The following GDA variants were observed in gnomAD, a reference collection of about 807,000 sequenced individuals.
The protein encoded by GDA is cytoplasmic PSD-95 interactor.
In GDA, 18 loss-of-function variants were observed where a neutral mutation model predicts 59.6. That is an observed-to-expected ratio of 0.30 (90% CI 0.21 to 0.45). GDA has a LOEUF of 0.45. Among genes scored for constraint, GDA ranks in the 20% least tolerant of loss-of-function variants. GDA has a pLI of 1.00. For missense variants in GDA, 427 were observed against 552.3 expected (o/e 0.77, Z 2.27); for synonymous variants, 201 against 201.1 (o/e 1.00, Z 0.00).
At chr9:72,161,969 G>A (rs1828689357) in intron 1 of GDA, among the ~76,000 whole-genome samples, 1 of 152,222 alleles carries the variant, frequency 6.6e-6, no homozygotes, top group African/African-American at 2.4e-5. Flanking sequence ...AACATCGTTG[G>A]TGACTTCCAC....
chr9:72,198,861 A>ATATATAT (rs1491123372), intron 2 of GDA, among the ~76,000 whole-genome samples: 4 of 147,902 alleles, frequency 2.7e-5, no homozygotes, highest in African/African-American at 5.2e-5. Context: ...ATATATATAT[A>ATATATAT]AAATTTTTTT....
At chr9:72,128,717 C>G (rs1035259429) in intron 1 of GDA, among the ~76,000 whole-genome samples, 8 of 152,220 alleles carry the variant, frequency 5.3e-5, no homozygotes, top group Non-Finnish European at 1.2e-4. Context: ...GTGAGACAGG[C>G]TGGCAGCCAG....
chr9:72,248,997 C>T lies in GDA; in HGVS notation c.*655C>T, dbSNP rs937970306. 1 of 984,198 alleles carries T rather than the reference C, an allele frequency of 1.0e-6. No individual in the cohort carries two copies. The highest frequency in any genetic ancestry group is 1.2e-6 in the Non-Finnish European group (1 of 828,466). The allele number at this position is 984,198 out of a possible 1,614,324, so 61.0% of individuals were successfully genotyped here. A position where few individuals can be genotyped will look rare whatever the true frequency, so the allele number is the denominator to read the frequency against. On this transcript the variant is annotated 3_prime_UTR_variant, in exon 14 of 14. Coordinates refer to ENST00000358399, the MANE Select transcript of GDA (RefSeq NM_004293.5). ...GATGAATGTCAGAAATTGAATGCCA[C>T]ATGCTTTCATAATATAGTTTTGTGC...
intron 5 of GDA, among the ~76,000 whole-genome samples, chr9:72,217,855 A>G (rs569252630): frequency 1.3e-5 from 2 of 152,228 alleles, no homozygotes; most frequent in South Asian, 4.1e-4. Flanking sequence ...TGGCATTTCT[A>G]TAGTACCTTA....
chr9:72,199,540 AACTTTC>A (rs1833670619), intron 2 of GDA, among the ~76,000 whole-genome samples: 1 of 152,126 alleles, frequency 6.6e-6, no homozygotes, highest in Admixed American at 6.6e-5. Flanking sequence ...TCTTCATCCT[AACTTTC>A]ACTACCAAAT....
At chr9:72,136,122 G>A (rs558577172) in intron 1 of GDA, among the ~76,000 whole-genome samples, 2 of 151,858 alleles carry the variant, frequency 1.3e-5, no homozygotes, top group Admixed American at 6.6e-5. Context: ...TCTATAAAAG[G>A]CCAGCAACTC....
chr9:72,168,752 T>C (rs1472439954), intron 1 of GDA, among the ~76,000 whole-genome samples: 1 of 152,204 alleles, frequency 6.6e-6, no homozygotes, highest in Non-Finnish European at 1.5e-5. Context: ...ATTAACTCAT[T>C]TAATCATTGC....
At chr9:72,134,496 G>C (rs562585323) in intron 1 of GDA, among the ~76,000 whole-genome samples, 1 of 151,844 alleles carries the variant, frequency 6.6e-6, no homozygotes, top group South Asian at 2.1e-4. Flanking sequence ...CTGCCTCCTG[G>C]GTTCAAGAGA....
chr9:72,127,879 G>A (rs1825899644), intron 1 of GDA, among the ~76,000 whole-genome samples: 1 of 152,192 alleles, frequency 6.6e-6, no homozygotes, highest in African/African-American at 2.4e-5. Flanking sequence ...CTCCAAAAGA[G>A]ATTAGATTGT....
chr9:72,141,230 GT>G (rs1826429962), intron 1 of GDA, among the ~76,000 whole-genome samples: 1 of 152,064 alleles, frequency 6.6e-6, no homozygotes, highest in Non-Finnish European at 1.5e-5. Flanking sequence ...CTCAGAGATG[GT>G]TTCTTCCTTC....
upstream of GDA, among the ~76,000 whole-genome samples, chr9:72,144,936 T>G (rs1339171410): frequency 6.6e-6 from 1 of 151,662 alleles, no homozygotes; most frequent in Non-Finnish European, 1.5e-5. Flanking sequence ...AGAGTTTCCA[T>G]GGTGAGCACA....
At position 72,231,196 on chromosome 9, in the gene GDA, A is replaced by C; in HGVS notation, c.988+15A>C. ...GCTGGGTACAGGTTAGTAGTTCACC[A>C]TTTGGAGCTATGGCAAAGTGGTTGA... On this transcript the variant is annotated intron_variant, in intron 10 of 13. Transcript: ENST00000358399. 1.5e-6 allele frequency: 2 copies of C among 1,341,552 alleles called. No homozygotes were observed. Among genetic ancestry groups the C allele is most frequent in the Non-Finnish European group, 2.1e-6 (2 of 931,356 alleles). 83.1% of individuals were successfully genotyped at this position (1,341,552 alleles called of 1,614,324 possible).
chr9:72,125,298 T>TCTTC (rs1299404175), intron 1 of GDA, among the ~76,000 whole-genome samples: 7 of 151,568 alleles, frequency 4.6e-5, no homozygotes, highest in Admixed American at 1.3e-4. Flanking sequence ...TTCCTTCCTT[T>TCTTC]CTTCCTTCCT....
chr9:72,170,968 C>T lies in GDA; in HGVS notation c.123+21286C>T, dbSNP rs144801053. ...AGTACCTGGGACTACAGGCGTGCACCACCATGCCTAGCTAATTTTTGTATA... is the reference window on the plus strand; with the variant it reads ...AGTACCTGGGACTACAGGCGTGCACTACCATGCCTAGCTAATTTTTGTATA... On this transcript the variant is annotated intron_variant, in intron 1 of 13. Transcript: ENST00000358399. Among the ~76,000 whole-genome samples, 942 of 152,230 alleles carry T rather than the reference C, an allele frequency of 6.2e-3. 7 individuals are homozygous for T. The highest frequency in any genetic ancestry group is 0.021 in the African/African-American group (877 of 41,534).
intron 10 of GDA, among the ~76,000 whole-genome samples, chr9:72,237,543 A>G (rs1001213680): frequency 6.6e-6 from 1 of 152,280 alleles, no homozygotes; most frequent in African/African-American, 2.4e-5. Context: ...AGGAGGTGCC[A>G]TCCACAACCA....
At position 72,250,288 on chromosome 9, in the gene GDA, A is replaced by C; in HGVS notation, c.*1946A>C. On this transcript the variant is annotated 3_prime_UTR_variant, in exon 14 of 14. Coordinates refer to ENST00000358399, the MANE Select transcript of GDA (RefSeq NM_004293.5). The stretch of plus-strand genomic sequence containing the variant: ...GCTTCTAGCATTTGCAAGATCCTAC[A>C]CTTTTACCTTCTTTAAGGGTGTACA... 1.0e-6 allele frequency: 1 copy of C among 1,003,560 alleles called. No homozygotes were observed. Among genetic ancestry groups the C allele is most frequent in the African/African-American group, 1.7e-5 (1 of 57,490 alleles). 62.2% of individuals were successfully genotyped at this position (1,003,560 alleles called of 1,614,324 possible).
intron 1 of GDA, among the ~76,000 whole-genome samples, chr9:72,180,014 G>A (rs1422940066): frequency 6.6e-6 from 1 of 151,882 alleles, no homozygotes; most frequent in Non-Finnish European, 1.5e-5. Context: ...AATTGGGGTG[G>A]GAGGGGAGGT....
chr9:72,235,673 G>A (rs1199320238), intron 10 of GDA, among the ~76,000 whole-genome samples: 3 of 149,336 alleles, frequency 2.0e-5, no homozygotes, highest in African/African-American at 7.4e-5. Flanking sequence ...CTCCAGCCTG[G>A]GTGACAGAGA....
intron 12 of GDA, among the ~76,000 whole-genome samples, chr9:72,247,027 T>G (rs112822561): frequency 6.6e-6 from 1 of 152,072 alleles, no homozygotes; most frequent in Non-Finnish European, 1.5e-5. Context: ...AAACAAAACA[T>G]AACAAAACAG....
Sources: allele counts gnomAD v4.1 joint callset (sites outside exome capture counted in the v4.1 genomes callset), GRCh38; gene constraint gnomAD v4.1.1; transcripts MANE v1.5; gene names NCBI Gene and HGNC (gene_info 2026-07-23, HGNC 2026-07-21).